Variants in FANCC observed in about 807,000 individuals in gnomAD.
The protein encoded by FANCC is FA complementation group C, also known as Fanconi anemia group C protein.
A neutral mutation model predicts 71.3 loss-of-function variants in FANCC; 55 were observed. That is an observed-to-expected ratio of 0.77 (90% CI 0.62 to 0.97). The LOEUF (loss-of-function observed/expected upper bound fraction) is 0.97. Among genes scored for constraint, FANCC ranks in the 50% least tolerant of loss-of-function variants. FANCC has a pLI of 0.00. For missense variants in FANCC, 678 were observed against 670.9 expected, an observed-to-expected ratio of 1.01 and a Z score of -0.12; for synonymous variants, 275 against 244.9, an observed-to-expected ratio of 1.12 and a Z score of -1.15.
chr9:95,125,817 A>G (rs1308664567), intron 9 of FANCC, among the ~76,000 whole-genome samples: 1 of 152,168 alleles, frequency 6.6e-6, no homozygotes, highest in African/African-American at 2.4e-5. Context: ...GAGGGGCTAG[A>G]GAGAGAGCTG....
chr9:95,107,644 C>T (rs984838883), intron 13 of FANCC: 10 of 389,536 alleles, frequency 2.6e-5, no homozygotes, highest in South Asian at 5.0e-5. Flanking sequence ...TAAAGCCCCA[C>T]GCAGTCAGAC....
intron 4 of FANCC, among the ~76,000 whole-genome samples, chr9:95,180,920 T>C (rs1359160051): frequency 7.2e-5 from 11 of 152,092 alleles, no homozygotes; most frequent in Non-Finnish European, 1.6e-4. Flanking sequence ...AGACCACTAT[T>C]GTACATGCAG....
intron 1 of FANCC, among the ~76,000 whole-genome samples, chr9:95,260,656 T>C (rs1165845742): frequency 2.0e-5 from 3 of 150,114 alleles, no homozygotes; most frequent in African/African-American, 7.4e-5. Context: ...AACCTGCACA[T>C]TCTGCACATG....
intron 4 of FANCC, among the ~76,000 whole-genome samples, chr9:95,219,613 G>A (rs1359395095): frequency 2.6e-5 from 4 of 152,092 alleles, no homozygotes; most frequent in Non-Finnish European, 4.4e-5. Context: ...CAAGAAATGG[G>A]GAAAGGATTC....
chr9:95,124,305 T>C (rs983808792), intron 10 of FANCC, among the ~76,000 whole-genome samples: 1 of 152,002 alleles, frequency 6.6e-6, no homozygotes, highest in Non-Finnish European at 1.5e-5. Context: ...CGACAGGCAA[T>C]GTGTCCCATA....
intron 10 of FANCC, among the ~76,000 whole-genome samples, chr9:95,120,437 C>G (rs1346141495): frequency 2.0e-5 from 3 of 146,946 alleles, no homozygotes; most frequent in African/African-American, 7.6e-5. Context: ...TTTTTTAAGA[C>G]AGCATCTCGC....
chr9:95,274,131 C>T (rs182843565), intron 1 of FANCC, among the ~76,000 whole-genome samples: 4 of 152,138 alleles, frequency 2.6e-5, no homozygotes, highest in East Asian at 1.9e-4. Flanking sequence ...CCGATCAACC[C>T]GTCATCTACG....
chr9:95,118,558 A>G (rs2072614765), intron 10 of FANCC, among the ~76,000 whole-genome samples: 1 of 152,180 alleles, frequency 6.6e-6, no homozygotes, highest in Non-Finnish European at 1.5e-5. Context: ...TCCCCTTCCA[A>G]TTCTTAACAA....
At chr9:95,148,430 C>T (rs769676272) in intron 7 of FANCC, among the ~76,000 whole-genome samples, 4 of 152,160 alleles carry the variant, frequency 2.6e-5, no homozygotes, top group East Asian at 1.9e-4. Context: ...CATACTTTCT[C>T]AATAATTAGC....
At chr9:95,185,196 C>G (rs1826637117) in intron 4 of FANCC, among the ~76,000 whole-genome samples, 1 of 152,188 alleles carries the variant, frequency 6.6e-6, no homozygotes, top group South Asian at 2.1e-4. Flanking sequence ...TTCTTTGTAA[C>G]TTACAAATTA....
intron 1 of FANCC, among the ~76,000 whole-genome samples, chr9:95,299,144 G>A (rs1834572253): frequency 6.6e-6 from 1 of 152,144 alleles, no homozygotes; most frequent in African/African-American, 2.4e-5. Flanking sequence ...GGGTACTCTT[G>A]CAAAGCAACA....
At chr9:95,303,805 G>A (rs1359574436) in intron 1 of FANCC, among the ~76,000 whole-genome samples, 2 of 152,190 alleles carry the variant, frequency 1.3e-5, no homozygotes, top group African/African-American at 4.8e-5. Flanking sequence ...CTTATGAATG[G>A]GGGAGGGGTG....
At chr9:95,159,189 C>T (rs906365191) in intron 6 of FANCC, among the ~76,000 whole-genome samples, 1 of 152,262 alleles carries the variant, frequency 6.6e-6, no homozygotes, top group African/African-American at 2.4e-5. Flanking sequence ...CCTTGCCCCC[C>T]ACTCCACAAC....
chr9:95,206,127 G>A (rs1763769482), intron 4 of FANCC, among the ~76,000 whole-genome samples: 1 of 152,176 alleles, frequency 6.6e-6, no homozygotes, highest in Admixed American at 6.5e-5. Flanking sequence ...AAAAGGTTTT[G>A]CTGAAAAAGC....
chr9:95,165,736 G>A (rs1218035532), intron 6 of FANCC, among the ~76,000 whole-genome samples: 1 of 152,070 alleles, frequency 6.6e-6, no homozygotes, highest in East Asian at 1.9e-4. Context: ...ATGTGCTTGA[G>A]AAGAGTGTAT....
chr9:95,168,858 T>C (rs1370975549), intron 6 of FANCC, among the ~76,000 whole-genome samples: 1 of 152,224 alleles, frequency 6.6e-6, no homozygotes, highest in East Asian at 1.9e-4. Flanking sequence ...AGTAGCATGA[T>C]GAAATCTCAT....
At chr9:95,203,297 G>A (rs2135817596) in intron 4 of FANCC, among the ~76,000 whole-genome samples, 1 of 151,362 alleles carries the variant, frequency 6.6e-6, no homozygotes, top group Non-Finnish European at 1.5e-5. Context: ...TACTTGGAAG[G>A]CTGAGGTGGA....
At chr9:95,230,650 T>G (rs1221060520) in intron 4 of FANCC, among the ~76,000 whole-genome samples, 2 of 151,922 alleles carry the variant, frequency 1.3e-5, no homozygotes, top group Non-Finnish European at 2.9e-5. Flanking sequence ...TCGCAGTGAG[T>G]GTTACAGCTC....
At chr9:95,310,678 C>T (rs923163258) in intron 1 of FANCC, among the ~76,000 whole-genome samples, 19 of 152,074 alleles carry the variant, frequency 1.2e-4, no homozygotes, top group African/African-American at 4.3e-4. Flanking sequence ...TAAAAGTCCA[C>T]CCCCAGGAGC....
Sources: gnomAD v4.1 joint callset for allele counts (sites outside exome capture counted in the v4.1 genomes callset) on GRCh38, gnomAD v4.1.1 for gene constraint, MANE v1.5 for transcripts, NCBI Gene and HGNC (gene_info 2026-07-23, HGNC 2026-07-21) for gene names.